Variants in CFAP221 observed in about 807,000 individuals in gnomAD.
The protein encoded by CFAP221 is cilia and flagella associated protein 221.
In CFAP221, 97 loss-of-function variants were observed where a neutral mutation model predicts 113.1. The ratio of observed to expected loss-of-function variants is 0.86; its 90% CI spans 0.73 to 1.02. The LOEUF (loss-of-function observed/expected upper bound fraction) is 1.02. CFAP221 is among the 50% of genes least tolerant of loss of function. The probability of loss-of-function intolerance (pLI) is 0.00; values close to 1 mark genes in which losing one functional copy is unlikely to be tolerated. For synonymous variants in CFAP221, 331 were observed against 354.4 expected, an observed-to-expected ratio of 0.93 and a Z score of 0.74; for missense variants, 1,025 against 1,013.4, an observed-to-expected ratio of 1.01 and a Z score of -0.16.
rs1003650472 is a variant in CFAP221, at chr2:119,584,018, C to G, written c.528-3101C>G. ...CAGCAACCCAAACATACCAAAACAC[C>G]TAGGGAAAAACTTAACCAAAATGTA... On this transcript the variant is annotated intron_variant, in intron 6 of 23. Transcript: ENST00000413369. Among the ~76,000 whole-genome samples the G allele has an allele frequency of 2.6e-5, 4 of 152,068 alleles. No homozygotes were observed. The South Asian group carries it at 8.3e-4, about 32-fold the overall frequency.
intron 6 of CFAP221, among the ~76,000 whole-genome samples, chr2:119,571,950 T>A (rs1052283670): frequency 4.7e-5 from 7 of 149,234 alleles, no homozygotes; most frequent in Admixed American, 1.3e-4. Flanking sequence ...TTTCTTACTT[T>A]GGGGTTGCCC....
At chr2:119,614,660 A>G (rs1354767683) in intron 13 of CFAP221, among the ~76,000 whole-genome samples, 3 of 152,188 alleles carry the variant, frequency 2.0e-5, no homozygotes, top group Non-Finnish European at 4.4e-5. Flanking sequence ...AATTATCTCT[A>G]TCTGGTCCCT....
At position 119,572,547 on chromosome 2, in the gene CFAP221, A is replaced by T. The variant is rs761598944; in HGVS notation, c.527+10433A>T. Reference sequence around the variant, plus strand: ...TTCATCATGCTCTGTAGTTTACCCAACAGCGTCTTCCTGGTACCAGATAAC... The same window carrying T: ...TTCATCATGCTCTGTAGTTTACCCATCAGCGTCTTCCTGGTACCAGATAAC... On this transcript the variant is annotated intron_variant, in intron 6 of 23. Transcript: ENST00000413369. 5.7e-6 allele frequency: 4 copies of T among 701,518 alleles called. No individual in the cohort carries two copies. In the South Asian group the frequency reaches 5.9e-5, roughly 10 times the overall value. The allele number at this position is 701,518 out of a possible 1,614,324, so 43.5% of individuals were successfully genotyped here. A position where few individuals can be genotyped will look rare whatever the true frequency, so the allele number is the denominator to read the frequency against.
intron 6 of CFAP221, among the ~76,000 whole-genome samples, chr2:119,563,578 G>A (rs1681413617): frequency 6.6e-6 from 1 of 152,076 alleles, no homozygotes; most frequent in African/African-American, 2.4e-5. Context: ...AGCAACTAAG[G>A]GGTTAATACC....
chr2:119,604,827 G>A (rs780124628), intron 9 of CFAP221, 35 bp downstream of exon 9: 7 of 1,605,240 alleles, frequency 4.4e-6, no homozygotes, highest in African/African-American at 1.3e-5. Context: ...CGATGAAAGG[G>A]TGACAGAGGG....
intron 19 of CFAP221, among the ~76,000 whole-genome samples, chr2:119,632,786 C>A (rs1686865846): frequency 6.8e-6 from 1 of 147,620 alleles, no homozygotes; most frequent in South Asian, 2.1e-4. Context: ...GGGAATTTAA[C>A]AAGATTGCAG....
intron 7 of CFAP221, among the ~76,000 whole-genome samples, chr2:119,594,795 C>T (rs546182822): frequency 6.6e-6 from 1 of 152,296 alleles, no homozygotes; most frequent in African/African-American, 2.4e-5. Flanking sequence ...TTTAATACCC[C>T]AGCAACTCTT....
At chr2:119,550,371 AAC>A (rs1189886467) in intron 3 of CFAP221, among the ~76,000 whole-genome samples, 2 of 152,232 alleles carry the variant, frequency 1.3e-5, no homozygotes, top group Non-Finnish European at 2.9e-5. Flanking sequence ...AACAGAGGAG[AAC>A]ACAGTTTCCA....
At chr2:119,582,457 CTTTT>C (rs200310556) in intron 6 of CFAP221, among the ~76,000 whole-genome samples, 2 of 136,846 alleles carry the variant, frequency 1.5e-5, no homozygotes, top group Non-Finnish European at 1.6e-5. Context: ...TAAGACATAT[CTTTT>C]TTTTTTTTTT....
Position 119,601,316 on chromosome 2 carries a change from TTCAAC to T in CFAP221, c.733_737del (p.Asn245SerfsTer23). ...AAAAATGCAGTTATGGATTTCGCAG[TTCAAC>T]TCTCAACCATACGAATGTGTCTTCA... On this transcript the variant is annotated frameshift_variant, in exon 8 of 24. Coordinates refer to ENST00000413369, the MANE Select transcript of CFAP221 (RefSeq NM_001271049.2). LOFTEE classifies it high-confidence loss of function. 1 of 1,535,858 alleles carries T rather than the reference TTCAAC, an allele frequency of 6.5e-7. No homozygotes were observed. The highest frequency in any genetic ancestry group is 8.7e-7 in the Non-Finnish European group (1 of 1,146,744).
downstream of CFAP221, among the ~76,000 whole-genome samples, chr2:119,659,175 G>A (rs373379043): frequency 5.9e-5 from 9 of 152,026 alleles, no homozygotes; most frequent in Non-Finnish European, 8.8e-5. Flanking sequence ...TGGTGTATCC[G>A]TAAAGTAACA....
chr2:119,644,701 T>G (rs1457737062), intron 21 of CFAP221, among the ~76,000 whole-genome samples: 1 of 152,134 alleles, frequency 6.6e-6, no homozygotes, highest in African/African-American at 2.4e-5. Flanking sequence ...CACAAAGATA[T>G]ATGCAACATA....
At chr2:119,599,304 G>A (rs1276364274) in intron 7 of CFAP221, among the ~76,000 whole-genome samples, 1 of 152,204 alleles carries the variant, frequency 6.6e-6, no homozygotes, top group Non-Finnish European at 1.5e-5. Flanking sequence ...ACACATCAAG[G>A]GAACGCGAGT....
At chr2:119,628,334 T>TGC (rs1553491008) in intron 16 of CFAP221, among the ~76,000 whole-genome samples, 2 of 151,890 alleles carry the variant, frequency 1.3e-5, no homozygotes, top group African/African-American at 4.8e-5. Context: ...TGTGTGTGTG[T>TGC]ATCTTTCTCT....
intron 14 of CFAP221, among the ~76,000 whole-genome samples, chr2:119,619,172 A>T (rs1685721194): frequency 6.6e-6 from 1 of 152,186 alleles, no homozygotes; most frequent in Non-Finnish European, 1.5e-5. Flanking sequence ...CAGCAGACTT[A>T]AACATTCCTG....
intron 6 of CFAP221, among the ~76,000 whole-genome samples, chr2:119,567,391 G>T (rs1681730349): frequency 6.6e-6 from 1 of 151,848 alleles, no homozygotes; most frequent in Non-Finnish European, 1.5e-5. Flanking sequence ...TTTCTGATTG[G>T]GTGCTTTCAC....
intron 19 of CFAP221, among the ~76,000 whole-genome samples, chr2:119,633,587 G>T (rs1429207448): frequency 4.0e-5 from 6 of 150,784 alleles, no homozygotes; most frequent in Admixed American, 6.6e-5. Context: ...TTGATAAGGA[G>T]TTAATACCAA....
chr2:119,582,702 C>T (rs1046079298), intron 6 of CFAP221, among the ~76,000 whole-genome samples: 3 of 152,100 alleles, frequency 2.0e-5, no homozygotes, highest in African/African-American at 7.2e-5. Flanking sequence ...GTGGTCTGCC[C>T]ACCTCGGCCT....
At chr2:119,548,162 C>G (rs897680120) in intron 2 of CFAP221, among the ~76,000 whole-genome samples, 18 of 152,074 alleles carry the variant, frequency 1.2e-4, no homozygotes, top group African/African-American at 4.3e-4. Context: ...CATGGTCTCA[C>G]TGTGTTGCCC....
Sources: gnomAD v4.1 joint callset for allele counts (sites outside exome capture counted in the v4.1 genomes callset) on GRCh38, gnomAD v4.1.1 for gene constraint, MANE v1.5 for transcripts, NCBI Gene and HGNC (gene_info 2026-07-23, HGNC 2026-07-21) for gene names.